Variants in WHRN observed in about 807,000 individuals in gnomAD.
WHRN encodes whirlin.
Under a neutral mutation model 68.3 loss-of-function variants are expected in WHRN, and 41 were observed. That is an observed-to-expected ratio of 0.60 (90% CI 0.47 to 0.78). The LOEUF is 0.78. Ranked by LOEUF, WHRN falls within the 30% of genes least tolerant of loss-of-function variation. WHRN has a pLI of 0.00. For missense variants in WHRN, 1,243 were observed against 1,244.7 expected (o/e 1.00, Z 0.02); for synonymous variants, 560 against 561.3 (o/e 1.00, Z 0.03).
intron 7 of WHRN, among the ~76,000 whole-genome samples, chr9:114,416,244 C>A (rs1835809533): frequency 6.6e-6 from 1 of 152,214 alleles, no homozygotes; most frequent in African/African-American, 2.4e-5. Flanking sequence ...GAGGTCAAGT[C>A]CAGGGCAAAT....
At chr9:114,476,305 A>C (rs1841644931) in intron 2 of WHRN, among the ~76,000 whole-genome samples, 2 of 151,842 alleles carry the variant, frequency 1.3e-5, no homozygotes, top group South Asian at 4.2e-4. Context: ...TCCCAGAGGC[A>C]CCTTACCTAA....
At chr9:114,484,335 A>G (rs1360168142) in intron 1 of WHRN, among the ~76,000 whole-genome samples, 1 of 152,200 alleles carries the variant, frequency 6.6e-6, no homozygotes, top group Non-Finnish European at 1.5e-5. Context: ...TCTAGCCATG[A>G]CAGCTCCACA....
chr9:114,482,930 A>T (rs1363213414), intron 1 of WHRN, among the ~76,000 whole-genome samples: 1 of 152,126 alleles, frequency 6.6e-6, no homozygotes, highest in Non-Finnish European at 1.5e-5. Flanking sequence ...GGGACCCTGA[A>T]GCCCCAAGAT....
chr9:114,491,974 G>A (rs1400343046), intron 1 of WHRN, among the ~76,000 whole-genome samples: 1 of 148,684 alleles, frequency 6.7e-6, no homozygotes, highest in African/African-American at 2.5e-5. Context: ...TTTTATTCCT[G>A]TGGCGCTCAC....
intron 1 of WHRN, among the ~76,000 whole-genome samples, chr9:114,493,355 T>A (rs866801572): frequency 0.026 from 1,839 of 71,898 alleles, 41 homozygotes; most frequent in African/African-American, 0.074. Context: ...TATCTTTTTT[T>A]TAAAAAAAAA....
In WHRN at chr9:114,406,531, G is replaced by C; in HGVS notation, c.2060C>G (p.Pro687Arg). The C allele has an allele frequency of 3.1e-6, 5 of 1,613,632 alleles. No individual in the cohort carries two copies. Among genetic ancestry groups the C allele is most frequent in the Middle Eastern group, 3.3e-4 (2 of 6,062 alleles). ...CTCTGCAGAGGGGCTTTTCAGGTGC[G>C]GGGGTGACTGGACCCGTGGGAAGGG... ...IGPFPRVQSP[P>R]HLKSPSAEAT... The change falls in exon 9 of 12, where the codon CCG becomes CGG. Residue 687 changes from proline (P) to arginine (R), a missense_variant. Pro to Arg is a moderately radical substitution (Grantham distance 103). Coordinates refer to ENST00000362057, the MANE Select transcript of WHRN (RefSeq NM_015404.4).
At chr9:114,490,026 G>A (rs191242248) in intron 1 of WHRN, among the ~76,000 whole-genome samples, 3 of 152,344 alleles carry the variant, frequency 2.0e-5, no homozygotes. Flanking sequence ...AAAGAACTGT[G>A]GCTTCACAGT....
intron 3 of WHRN, among the ~76,000 whole-genome samples, chr9:114,464,709 T>G (rs1389512902): frequency 1.3e-5 from 2 of 152,166 alleles, no homozygotes; most frequent in Admixed American, 6.5e-5. Flanking sequence ...TTACCTATTA[T>G]TATTATATAG....
chr9:114,451,120 G>A (rs898364167), intron 3 of WHRN, among the ~76,000 whole-genome samples: 2 of 152,210 alleles, frequency 1.3e-5, no homozygotes, highest in Admixed American at 1.3e-4. Context: ...GTGACTTGCT[G>A]CCCTTGGGAA....
chr9:114,433,168 C>A (rs1323282835), intron 3 of WHRN, among the ~76,000 whole-genome samples: 1 of 152,238 alleles, frequency 6.6e-6, no homozygotes, highest in Non-Finnish European at 1.5e-5. Context: ...CTACTTCTTA[C>A]CCCTCCCAGC....
chr9:114,489,323 T>G (rs978834499), intron 1 of WHRN, among the ~76,000 whole-genome samples: 3 of 152,074 alleles, frequency 2.0e-5, no homozygotes, highest in Non-Finnish European at 4.4e-5. Context: ...ATAAGGAAAT[T>G]TACCTCTCCT....
chr9:114,438,487 C>T (rs1838067513), intron 3 of WHRN, among the ~76,000 whole-genome samples: 1 of 144,858 alleles, frequency 6.9e-6, no homozygotes, highest in South Asian at 2.2e-4. Context: ...GAGTCTCACT[C>T]TGTCACCCAG....
At chr9:114,494,865 A>C (rs1248680634) in intron 1 of WHRN, among the ~76,000 whole-genome samples, 5 of 121,382 alleles carry the variant, frequency 4.1e-5, no homozygotes, top group African/African-American at 1.0e-4. Context: ...AGCAACAAAG[A>C]AAAGAAAACA....
intron 1 of WHRN, among the ~76,000 whole-genome samples, chr9:114,489,236 T>C (rs750556872): frequency 3.9e-5 from 6 of 152,054 alleles, no homozygotes; most frequent in South Asian, 2.1e-4. Context: ...ATAGAAAACA[T>C]AGGAGATGGT....
intron 5 of WHRN, 21 bp from the exon 6 acceptor site, chr9:114,424,567 A>G: frequency 6.3e-7 from 1 of 1,593,248 alleles, no homozygotes; most frequent in Non-Finnish European, 8.5e-7. Flanking sequence ...GAAAGATAGA[A>G]GCCCAGGAAT....
At chr9:114,436,767 T>A (rs1231222287) in intron 3 of WHRN, among the ~76,000 whole-genome samples, 1 of 152,054 alleles carries the variant, frequency 6.6e-6, no homozygotes, top group African/African-American at 2.4e-5. Context: ...AGGCAGAGGC[T>A]GTAGTGAGCC....
Position 114,425,368 on chromosome 9 carries a change from A to G in WHRN, c.1167-344T>C. ...CAACCTCAGGGTCAGGCCAACCCTC[A>G]GGAGCTTAGGGGCCGGTGAACTGGA... On this transcript the variant is annotated intron_variant, in intron 4 of 11. Coordinates refer to ENST00000362057, the MANE Select transcript of WHRN (RefSeq NM_015404.4). 1.0e-5 allele frequency: 6 copies of G among 590,110 alleles called. No individual in the cohort carries two copies. In the South Asian group the frequency reaches 1.3e-4, roughly 12 times the overall value. The allele number at this position is 590,110 out of a possible 1,614,324, so 36.6% of individuals were successfully genotyped here.
At position 114,478,561 on chromosome 9, in the gene WHRN, C is replaced by T; in HGVS notation, c.829G>A (p.Glu277Lys). Residue 277 changes from glutamate (E) to lysine (K), a missense_variant, in exon 2 of 12, where the codon GAG (glutamate) becomes AAG (lysine). Transcript: ENST00000362057. The part of the protein sequence containing the change: ...STLHLLQGGD[E>K]KKVNLVLGDG... ...TTCCCCACCCCACTCACCTTTTTCTCATCCCCTCCTTGCAGGAGGTGCAGG... is the reference window on the plus strand; with the variant it reads ...TTCCCCACCCCACTCACCTTTTTCTTATCCCCTCCTTGCAGGAGGTGCAGG... 2.5e-6 allele frequency: 4 copies of T among 1,614,114 alleles called. No individual in the cohort carries two copies. The highest frequency in any genetic ancestry group is 3.4e-6 in the Non-Finnish European group (4 of 1,179,996).
intron 5 of WHRN, 128 bp downstream of exon 5, chr9:114,424,860 G>C: frequency 9.6e-7 from 1 of 1,040,938 alleles, no homozygotes. Context: ...GGGCTGGGGG[G>C]TGGGCAGATA....
Sources: gnomAD v4.1 joint callset for allele counts (sites outside exome capture counted in the v4.1 genomes callset) on GRCh38, gnomAD v4.1.1 for gene constraint, MANE v1.5 for transcripts, NCBI Gene and HGNC (gene_info 2026-07-23, HGNC 2026-07-21) for gene names.